Variants in CACNA1A observed in about 807,000 individuals in gnomAD.
CACNA1A encodes calcium voltage-gated channel subunit alpha1 A.
Under a neutral mutation model 262.4 loss-of-function variants are expected in CACNA1A, and 57 were observed. The observed-to-expected ratio is 0.22, with a 90% CI of 0.18 to 0.27. CACNA1A has a LOEUF of 0.27. Among genes scored for constraint, CACNA1A ranks in the 10% least tolerant of loss-of-function variants. CACNA1A has a pLI of 1.00. For missense variants in CACNA1A, 2,526 were observed against 3,562.8 expected (o/e 0.71, Z 7.41); for synonymous variants, 1,431 against 1,419.3 (o/e 1.01, Z -0.18).
At chr19:13,401,310 G>A (rs1030789159) in intron 3 of CACNA1A, among the ~76,000 whole-genome samples, 10 of 152,150 alleles carry the variant, frequency 6.6e-5, no homozygotes, top group Admixed American at 6.5e-4. Context: ...TGTGACCTTG[G>A]GCAAGATATT....
At chr19:13,323,048 G>C (rs530985390) in intron 10 of CACNA1A, among the ~76,000 whole-genome samples, 1 of 152,322 alleles carries the variant, frequency 6.6e-6, no homozygotes, top group African/African-American at 2.4e-5. Context: ...AAGGAGGGCA[G>C]ATCATTTGAG....
intron 18 of CACNA1A, 145 bp from the exon 19 acceptor site, chr19:13,299,498 T>G (rs920213741): frequency 1.2e-5 from 9 of 757,420 alleles, no homozygotes; most frequent in Non-Finnish European, 1.8e-5. Context: ...TCTGTGAGCA[T>G]CTGAGTCAGG....
chr19:13,404,773 A>T (rs1285309998), intron 3 of CACNA1A, among the ~76,000 whole-genome samples: 2 of 152,194 alleles, frequency 1.3e-5, no homozygotes, highest in Non-Finnish European at 2.9e-5. Context: ...TCATGATGCT[A>T]AACGTGAACC....
intron 26 of CACNA1A, chr19:13,259,958 C>T: frequency 2.3e-6 from 1 of 431,136 alleles, no homozygotes; most frequent in Non-Finnish European, 4.3e-6. Context: ...GGGTCCAGCA[C>T]CCTCTTCCAA....
At chr19:13,252,534 G>T (rs1440988671) in intron 30 of CACNA1A, 4 of 152,606 alleles carry the variant, frequency 2.6e-5, no homozygotes, top group South Asian at 2.1e-4. Context: ...GGGATTACAG[G>T]CATGCGCCAC....
chr19:13,482,965 G>A (rs1599353443), intron 1 of CACNA1A, among the ~76,000 whole-genome samples: 1 of 151,274 alleles, frequency 6.6e-6, no homozygotes, highest in Admixed American at 6.6e-5. Context: ...TTCAGTAAGG[G>A]CCCACACCTT....
intron 3 of CACNA1A, chr19:13,451,232 C>G (rs2060908207): frequency 6.6e-6 from 1 of 152,298 alleles, no homozygotes; most frequent in Admixed American, 6.5e-5. Context: ...CTGTGAGAGG[C>G]AACATTGCTC....
chr19:13,227,615 G>T lies in CACNA1A; in HGVS notation c.5529-88C>A. On this transcript the variant is annotated intron_variant, in intron 36 of 46. Coordinates refer to ENST00000360228, the MANE Select transcript of CACNA1A (RefSeq NM_001127222.2). ...CAGAGAACCAAAGGAAGAGAGGTGG[G>T]GAGAAACAGAAGAAAGAAAAAAGAA... 1 of 536,194 alleles carries T rather than the reference G, an allele frequency of 1.9e-6. No homozygotes were observed. 33.2% of individuals were successfully genotyped at this position (536,194 alleles called of 1,614,324 possible).
At chr19:13,432,898 T>A (rs2060539164) in intron 3 of CACNA1A, among the ~76,000 whole-genome samples, 1 of 152,102 alleles carries the variant, frequency 6.6e-6, no homozygotes, top group South Asian at 2.1e-4. Context: ...GTGGCTCATG[T>A]CTGTAATCCT....
Position 13,207,502 on chromosome 19 carries a change from G to A in CACNA1A, c.7332C>T (p.Ser2444=). 4 of 1,423,166 alleles carry A rather than the reference G, an allele frequency of 2.8e-6. No individual in the cohort carries two copies. Among genetic ancestry groups the A allele is most frequent in the Non-Finnish European group, 3.7e-6 (4 of 1,094,298 alleles). 88.2% of individuals were successfully genotyped at this position (1,423,166 alleles called of 1,614,324 possible). ...YDAPPPVRHA[S]SGATGRSPRT... ...TGGGCGAGCGCCCGGTGGCGCCCGA[G>A]GACGCGTGTCGTACGGGGGGTGGCG... The change falls in exon 47 of 47, where the codon TCC becomes TCT. Residue 2444 remains serine (S), a synonymous_variant. Coordinates refer to ENST00000360228, the MANE Select transcript of CACNA1A (RefSeq NM_001127222.2). This position sits in a 1 kb window ranked among gnomAD's most constrained non-coding sequence, Gnocchi z 5.7.
chr19:13,348,202 C>T (rs952747600), intron 6 of CACNA1A, among the ~76,000 whole-genome samples: 3 of 151,968 alleles, frequency 2.0e-5, no homozygotes, highest in East Asian at 3.9e-4. Context: ...GGATTCCAGG[C>T]GTGAGCCACC....
chr19:13,370,426 C>G (rs2059301634), intron 4 of CACNA1A, among the ~76,000 whole-genome samples: 1 of 150,826 alleles, frequency 6.6e-6, no homozygotes, highest in Non-Finnish European at 1.5e-5. Context: ...TGTTTTTAAA[C>G]TTTTTGTTGT....
rs201844207 is a variant in CACNA1A at position 13,235,248 on chromosome 19, G to A, written c.5094C>T (p.Ile1698=). 1.7e-5 allele frequency: 28 copies of A among 1,600,212 alleles called. No individual in the cohort carries two copies. The highest frequency in any genetic ancestry group is 2.3e-5 in the East Asian group (1 of 44,248). The change falls in exon 33 of 47, where the codon ATC becomes ATT. Residue 1698 remains isoleucine, a synonymous_variant. Coordinates refer to ENST00000360228, the MANE Select transcript of CACNA1A (RefSeq NM_001127222.2). The stretch of plus-strand genomic sequence containing the variant: ...TGGCATAGATGAAGAAGAGCATGGC[G>A]ATCAGCAGACAGACATAAGGCAGGG... ...FKALPYVCLL[I]AMLFFIYAII...
At chr19:13,290,394 C>CTGTG (rs1207041760) in intron 19 of CACNA1A, among the ~76,000 whole-genome samples, 2 of 127,304 alleles carry the variant, frequency 1.6e-5, no homozygotes, top group African/African-American at 6.0e-5. Context: ...GTGTGTGTGT[C>CTGTG]TGTGTGTGTC....
intron 19 of CACNA1A, 67 bp downstream of exon 19, chr19:13,298,477 G>T: frequency 7.5e-7 from 1 of 1,341,680 alleles, no homozygotes; most frequent in Non-Finnish European, 1.0e-6. Flanking sequence ...CACAGCACGT[G>T]CTACTTTGGC....
At position 13,334,395 on chromosome 19, in the gene CACNA1A, T is replaced by G; in HGVS notation, c.1181A>C (p.Glu394Ala). ...GGCCTCACCTGCTTTTGAGATCCAC[T>G]CCATGTACCCATTGAGCTCACGTTC... The part of the protein sequence containing the change: ...QIERELNGYM[E>A]WISKAEEVIL... Residue 394 changes from glutamate to alanine, a missense_variant, in exon 8 of 47, where the codon GAG (glutamate) becomes GCG (alanine). Glu to Ala is a moderately radical substitution (Grantham distance 107). Transcript: ENST00000360228. 1 of 1,592,700 alleles carries G rather than the reference T, an allele frequency of 6.3e-7. No homozygotes were observed. Among genetic ancestry groups the G allele is most frequent in the East Asian group, 2.2e-5 (1 of 44,766 alleles).
chr19:13,303,228 G>T (rs1311544543), intron 17 of CACNA1A, among the ~76,000 whole-genome samples: 1 of 152,086 alleles, frequency 6.6e-6, no homozygotes, highest in Non-Finnish European at 1.5e-5. Context: ...ACTAGCCTGG[G>T]GGCTACACCA....
Position 13,425,826 on chromosome 19 carries a change from C to T in CACNA1A, c.539+27050G>A, listed in dbSNP as rs528990778. Among the ~76,000 whole-genome samples, 89 of 152,200 alleles carry T rather than the reference C, an allele frequency of 5.8e-4. 1 individual carries two copies. The highest frequency in any genetic ancestry group is 3.4e-3 in the Middle Eastern group (1 of 294). On this transcript the variant is annotated intron_variant, in intron 3 of 46. Transcript: ENST00000360228. ...ATCCCAGCACTTTGGGGGGCCGAGGCGGGTTGATCACTTGAGGTCAGGAGT... is the reference window on the plus strand; with the variant it reads ...ATCCCAGCACTTTGGGGGGCCGAGGTGGGTTGATCACTTGAGGTCAGGAGT...
At chr19:13,258,336 T>C (rs1047930164) in intron 27 of CACNA1A, 2 of 152,154 alleles carry the variant, frequency 1.3e-5, no homozygotes, top group African/African-American at 4.8e-5. Flanking sequence ...GGAGGTACAA[T>C]GGGGATATAT....
Sources: gnomAD v4.1 joint callset for allele counts (sites outside exome capture counted in the v4.1 genomes callset) on GRCh38, gnomAD v4.1.1 for gene constraint, Gnocchi (gnomAD v3.1) non-coding constraint, MANE v1.5 for transcripts, NCBI Gene and HGNC (gene_info 2026-07-23, HGNC 2026-07-21) for gene names.